The following SEMA3A variants were observed in gnomAD, a reference collection of about 807,000 sequenced individuals.
The protein encoded by SEMA3A is semaphorin-3A.
A neutral mutation model predicts 97.9 loss-of-function variants in SEMA3A; 29 were observed. The ratio of observed to expected loss-of-function variants is 0.30; its 90% CI spans 0.22 to 0.40. SEMA3A has a LOEUF of 0.40. Ranked by LOEUF, SEMA3A falls within the 10% of genes least tolerant of loss-of-function variation. The pLI, the probability that SEMA3A is intolerant of heterozygous loss-of-function variation, is 1.00. For missense variants in SEMA3A, 763 were observed against 951.3 expected (o/e 0.80, Z 2.60); for synonymous variants, 321 against 323.7 (o/e 0.99, Z 0.09).
chr7:84,425,851 AT>A (rs1804809450), intron 1 of SEMA3A, among the ~76,000 whole-genome samples: 1 of 41,352 alleles, frequency 2.4e-5, no homozygotes, highest in Non-Finnish European at 4.5e-5. Flanking sequence ...TAATGTTTAT[AT>A]AACACACACA....
intron 3 of SEMA3A, among the ~76,000 whole-genome samples, chr7:84,112,125 A>T (rs1238401142): frequency 1.3e-5 from 2 of 152,332 alleles, no homozygotes; most frequent in Admixed American, 6.5e-5. Flanking sequence ...TCTTAAAAAA[A>T]ATTCAGTCAT....
chr7:84,124,173 G>A (rs1036348861), intron 3 of SEMA3A, among the ~76,000 whole-genome samples: 1 of 152,126 alleles, frequency 6.6e-6, no homozygotes, highest in African/African-American at 2.4e-5. Context: ...CTCTAAAAGT[G>A]CATAAGATTA....
chr7:84,171,194 C>T (rs1054942885), intron 1 of SEMA3A, among the ~76,000 whole-genome samples: 2 of 152,058 alleles, frequency 1.3e-5, no homozygotes, highest in African/African-American at 4.8e-5. Flanking sequence ...TCTGAAGCAA[C>T]ATAATATTTT....
chr7:83,998,298 C>T (rs953842660), intron 12 of SEMA3A, among the ~76,000 whole-genome samples: 3 of 152,116 alleles, frequency 2.0e-5, no homozygotes, highest in African/African-American at 7.2e-5. Context: ...ACCTGTATAG[C>T]ATGCTACTGT....
chr7:84,181,020 T>A (rs1213723042), intron 1 of SEMA3A, among the ~76,000 whole-genome samples: 1 of 152,100 alleles, frequency 6.6e-6, no homozygotes, highest in Non-Finnish European at 1.5e-5. Flanking sequence ...TACAATACAC[T>A]TGATTTCAGT....
chr7:84,021,907 C>T (rs556200316), intron 6 of SEMA3A, among the ~76,000 whole-genome samples: 3 of 152,232 alleles, frequency 2.0e-5, no homozygotes, highest in South Asian at 2.1e-4. Flanking sequence ...AATGCTTATA[C>T]ATGCTTCTTT....
chr7:84,060,163 G>T (rs1312843559), intron 5 of SEMA3A, among the ~76,000 whole-genome samples: 2 of 152,128 alleles, frequency 1.3e-5, no homozygotes, highest in African/African-American at 4.8e-5. Context: ...ATTAGGATGA[G>T]CCAGCACAAG....
chr7:84,110,710 A>C, intron 3 of SEMA3A, 121 bp from the exon 4 acceptor site: 1 of 1,076,136 alleles, frequency 9.3e-7, no homozygotes, highest in Non-Finnish European at 1.3e-6. Context: ...TTTTTTTGGC[A>C]TCCCTTTCAC....
chr7:84,291,341 C>A (rs912890607), intron 3 of SEMA3A, among the ~76,000 whole-genome samples: 1 of 151,968 alleles, frequency 6.6e-6, no homozygotes, highest in East Asian at 1.9e-4. Context: ...ATATATTTTA[C>A]CCATTATTCC....
intron 1 of SEMA3A, among the ~76,000 whole-genome samples, chr7:84,483,164 C>T (rs2116437719): frequency 6.6e-6 from 1 of 152,242 alleles, no homozygotes; most frequent in East Asian, 1.9e-4. Flanking sequence ...TTAATTTTCT[C>T]AAACTCCATG....
chr7:84,411,723 G>T (rs948382086), intron 1 of SEMA3A, among the ~76,000 whole-genome samples: 3 of 151,656 alleles, frequency 2.0e-5, no homozygotes, highest in African/African-American at 7.3e-5. Context: ...AAATTTTTTG[G>T]CATTTTTTAT....
chr7:84,154,271 G>C (rs1425809829), intron 1 of SEMA3A, among the ~76,000 whole-genome samples: 1 of 151,372 alleles, frequency 6.6e-6, no homozygotes, highest in Admixed American at 6.6e-5. Flanking sequence ...CAAAATATTT[G>C]GGGGAAAATA....
chr7:84,127,334 T>C (rs1562798791), intron 3 of SEMA3A, among the ~76,000 whole-genome samples: 5 of 152,022 alleles, frequency 3.3e-5, no homozygotes. Context: ...TCCTGCCTAA[T>C]CAATTTATCC....
chr7:84,118,441 C>T (rs941171782), intron 3 of SEMA3A, among the ~76,000 whole-genome samples: 25 of 152,134 alleles, frequency 1.6e-4, no homozygotes, highest in African/African-American at 6.0e-4. Flanking sequence ...TCAACAAAAT[C>T]TGCATGAGAT....
At chr7:84,067,410 A>G (rs926756757) in intron 4 of SEMA3A, among the ~76,000 whole-genome samples, 1 of 152,136 alleles carries the variant, frequency 6.6e-6, no homozygotes, top group Non-Finnish European at 1.5e-5. Context: ...ACAAAAGCCA[A>G]AATTGACAAA....
chr7:84,108,559 T>C (rs181812764), intron 4 of SEMA3A, among the ~76,000 whole-genome samples: 3 of 152,290 alleles, frequency 2.0e-5, no homozygotes, highest in Admixed American at 1.3e-4. Flanking sequence ...GAGCAAGATC[T>C]GAAGCTAGAT....
chr7:84,001,912 G>A (rs201830612), intron 12 of SEMA3A, 43 bp downstream of exon 12: 46 of 1,360,974 alleles, frequency 3.4e-5, no homozygotes, highest in South Asian at 1.5e-4. Context: ...GGGGAAAGAC[G>A]TACAACTGAA....
chr7:84,429,210 T>C (rs1205927194), intron 1 of SEMA3A, among the ~76,000 whole-genome samples: 2 of 151,876 alleles, frequency 1.3e-5, no homozygotes, highest in Non-Finnish European at 2.9e-5. Context: ...ATCACATTAA[T>C]TTACATTTTA....
rs55872394 is a variant in SEMA3A at position 84,427,649 on chromosome 7, CAAAAAAAAA to C, written c.-245-55758_-245-55750del. Among the ~76,000 whole-genome samples, 7 of 72,990 alleles carry C rather than the reference CAAAAAAAAA, an allele frequency of 9.6e-5. No individual in the cohort carries two copies. The Admixed American group carries it at 1.0e-3, about 10-fold the overall frequency. The allele number at this position is 72,990 out of a possible 152,430, so 47.9% of individuals were successfully genotyped here. ...TGGGAGACAGAGTGAGATTCTGTCTCAAAAAAAAAAAAAAAAAAAAAAGTATTCACTCAT... is the reference window on the plus strand; with the variant it reads ...TGGGAGACAGAGTGAGATTCTGTCTCAAAAAAAAAAAAAGTATTCACTCAT... On this transcript the variant is annotated intron_variant, in intron 1 of 3. Transcript: ENST00000424555.
Sources: allele counts gnomAD v4.1 joint callset (sites outside exome capture counted in the v4.1 genomes callset), GRCh38; gene constraint gnomAD v4.1.1; transcripts MANE v1.5; gene names NCBI Gene and HGNC (gene_info 2026-07-23, HGNC 2026-07-21).